Variants in CCDC33 observed in about 807,000 individuals in gnomAD.
CCDC33 encodes the protein coiled-coil domain-containing protein 33.
CCDC33 carries 94 observed loss-of-function variants against 91.9 expected under a neutral mutation model. The observed-to-expected ratio is 1.02, with a 90% CI of 0.87 to 1.21. The LOEUF (loss-of-function observed/expected upper bound fraction) is 1.21, where lower values mean the gene tolerates loss of function less well. Ranked by LOEUF, CCDC33 falls within the 50% of genes most tolerant of loss-of-function variation. CCDC33 has a pLI of 0.00. For synonymous variants in CCDC33, 396 were observed against 374.5 expected, an observed-to-expected ratio of 1.06 and a Z score of -0.66; for missense variants, 940 against 935.5, an observed-to-expected ratio of 1.00 and a Z score of -0.06.
intron 7 of CCDC33, among the ~76,000 whole-genome samples, chr15:74,278,584 C>T (rs1004949840): frequency 6.6e-6 from 1 of 152,242 alleles, no homozygotes; most frequent in Non-Finnish European, 1.5e-5. Context: ...TGGGCCTCCC[C>T]CTGGAGTCTC....
chr15:74,237,189 C>T (rs527370195), intron 1 of CCDC33, among the ~76,000 whole-genome samples: 2 of 152,368 alleles, frequency 1.3e-5, no homozygotes, highest in Non-Finnish European at 2.9e-5. Context: ...AACACAGATG[C>T]TTGGGTCTCT....
intron 11 of CCDC33, among the ~76,000 whole-genome samples, chr15:74,319,136 A>G (rs943360834): frequency 6.6e-6 from 1 of 152,182 alleles, no homozygotes; most frequent in Non-Finnish European, 1.5e-5. Context: ...CCGCCCCAGT[A>G]AGTGCTAACC....
chr15:74,300,070 G>T (rs935478064), intron 11 of CCDC33: 1 of 152,254 alleles, frequency 6.6e-6, no homozygotes, highest in African/African-American at 2.4e-5. Flanking sequence ...GCAGTAGAAC[G>T]TGGGTGAGTA....
intron 2 of CCDC33, among the ~76,000 whole-genome samples, chr15:74,219,050 C>G (rs2074520599): frequency 6.6e-6 from 1 of 152,228 alleles, no homozygotes; most frequent in Non-Finnish European, 1.5e-5. Flanking sequence ...TTACAATGGG[C>G]AGACAGAAAA....
At chr15:74,276,358 C>T (rs977979637) in intron 7 of CCDC33, among the ~76,000 whole-genome samples, 2 of 152,198 alleles carry the variant, frequency 1.3e-5, no homozygotes, top group African/African-American at 4.8e-5. Flanking sequence ...TACCCCGGCA[C>T]CTTGGAAGGG....
At position 74,316,171 on chromosome 15, in the gene CCDC33, G is replaced by A. The variant is rs1342963279; in HGVS notation, c.1291-14018G>A. 6.6e-6 allele frequency among the ~76,000 whole-genome samples: 1 copy of A among 152,190 alleles called. No homozygotes were observed. The highest frequency in any genetic ancestry group is 1.5e-5 in the Non-Finnish European group (1 of 68,030). On this transcript the variant is annotated intron_variant, in intron 11 of 18. Coordinates refer to ENST00000398814, the MANE Select transcript of CCDC33 (RefSeq NM_025055.5). This position sits in a 1 kb window ranked among gnomAD's most constrained non-coding sequence, Gnocchi z 4.7. The stretch of plus-strand genomic sequence containing the variant: ...CCTGAGACCAGGCGGGAGCCCCTGG[G>A]GCCTCCCTGGCTTCATGGGGCAGGC...
At chr15:74,229,735 G>A (rs1175115557) in intron 2 of CCDC33, among the ~76,000 whole-genome samples, 1 of 152,232 alleles carries the variant, frequency 6.6e-6, no homozygotes, top group Non-Finnish European at 1.5e-5. Context: ...GAAGTAGCAG[G>A]AAGGAGGAAG....
intron 11 of CCDC33, among the ~76,000 whole-genome samples, chr15:74,326,874 T>C (rs1276713041): frequency 6.6e-6 from 1 of 152,036 alleles, no homozygotes; most frequent in Non-Finnish European, 1.5e-5. Flanking sequence ...CTTCCTGTTC[T>C]CAAGGCTGGG....
At position 74,218,853 on chromosome 15, in the gene CCDC33, A is replaced by G; in HGVS notation, c.667A>G (p.Ile223Val). The G allele has an allele frequency of 8.1e-7, 1 of 1,236,954 alleles. No homozygotes were observed. The highest frequency in any genetic ancestry group is 1.0e-6 in the Non-Finnish European group (1 of 962,342). The allele number at this position is 1,236,954 out of a possible 1,614,324, so 76.6% of individuals were successfully genotyped here. Residue 223 changes from isoleucine to valine, a missense_variant, in exon 2 of 3, where the codon ATA becomes GTA. Physicochemically the swap from Ile to Val is conservative, Grantham distance 29. Coordinates refer to the CCDC33 transcript ENST00000635913. The surrounding 1 kb of genome is among the most constrained non-coding windows in gnomAD (Gnocchi z 4.8). ...ACCATGCCCAGAGCCCCAGCTCCCCATACTGCAGGTGGGTGCTTCCCTGGT... is the reference window on the plus strand; with the variant it reads ...ACCATGCCCAGAGCCCCAGCTCCCCGTACTGCAGGTGGGTGCTTCCCTGGT...
chr15:74,313,840 C>T (rs532211022), intron 11 of CCDC33, among the ~76,000 whole-genome samples: 1 of 152,138 alleles, frequency 6.6e-6, no homozygotes, highest in Non-Finnish European at 1.5e-5. Context: ...GTGCCAGCAT[C>T]CAGGCCCAGC....
chr15:74,281,568 A>G (rs1214452343), intron 9 of CCDC33, among the ~76,000 whole-genome samples: 2 of 152,254 alleles, frequency 1.3e-5, no homozygotes, highest in African/African-American at 2.4e-5. Context: ...TGAGCCTGGT[A>G]GTGCCAGACA....
chr15:74,241,230 G>A (rs1212940269), intron 1 of CCDC33, among the ~76,000 whole-genome samples: 3 of 152,120 alleles, frequency 2.0e-5, no homozygotes, highest in Non-Finnish European at 4.4e-5. Context: ...TCAGAGGAAG[G>A]AGAGGGGGGC....
exon 1 of CCDC33, chr15:74,217,466 G>A (rs767079525): frequency 5.4e-6 from 7 of 1,289,788 alleles, no homozygotes; most frequent in South Asian, 1.2e-5. Context: ...AGTTGCAAGT[G>A]AATGATGGGG....
At chr15:74,327,063 G>A (rs1383451129) in intron 11 of CCDC33, among the ~76,000 whole-genome samples, 1 of 152,182 alleles carries the variant, frequency 6.6e-6, no homozygotes, top group Non-Finnish European at 1.5e-5. Context: ...TCCCACAGAT[G>A]TAGAGGGAAG....
chr15:74,262,891 G>A (rs962786833), intron 3 of CCDC33, among the ~76,000 whole-genome samples: 5 of 151,998 alleles, frequency 3.3e-5, no homozygotes, highest in African/African-American at 9.7e-5. Context: ...TTCCTGGCAC[G>A]TCCCCACACA....
chr15:74,268,607 C>T, intron 5 of CCDC33, 149 bp downstream of exon 5: 1 of 596,530 alleles, frequency 1.7e-6, no homozygotes, highest in Non-Finnish European at 3.0e-6. Context: ...CCAGGCCTTT[C>T]CAAAATAGCA....
At chr15:74,247,481 A>G (rs1378058980) in intron 2 of CCDC33, among the ~76,000 whole-genome samples, 1 of 152,178 alleles carries the variant, frequency 6.6e-6, no homozygotes, top group Non-Finnish European at 1.5e-5. Context: ...ACATATAGAC[A>G]ACATATACAC....
chr15:74,292,584 A>G (rs1013990752), intron 10 of CCDC33, among the ~76,000 whole-genome samples: 7 of 152,190 alleles, frequency 4.6e-5, no homozygotes, highest in African/African-American at 1.7e-4. Flanking sequence ...AGATTTCACT[A>G]TAAAATTCAC....
intron 11 of CCDC33, among the ~76,000 whole-genome samples, chr15:74,315,835 C>T (rs923288919): frequency 2.0e-5 from 3 of 152,012 alleles, no homozygotes; most frequent in Non-Finnish European, 2.9e-5. Context: ...GGGAGCTGCA[C>T]TATTAAGTGT....
Sources: allele counts gnomAD v4.1 joint callset (sites outside exome capture counted in the v4.1 genomes callset), GRCh38; gene constraint gnomAD v4.1.1; non-coding constraint Gnocchi (gnomAD v3.1); transcripts MANE v1.5; gene names NCBI Gene and HGNC (gene_info 2026-07-23, HGNC 2026-07-21).